XKR6: variants seen among roughly 807,000 people sequenced by gnomAD.
XKR6 encodes the protein XK related 6, also known as XK-related protein 6.
In XKR6, 22 loss-of-function variants were observed where a neutral mutation model predicts 56.7. The observed-to-expected ratio is 0.39, with a 90% CI of 0.28 to 0.55. The LOEUF (loss-of-function observed/expected upper bound fraction) is 0.55. XKR6 is among the 20% of genes least tolerant of loss of function. The pLI is 0.66. For missense variants in XKR6, 852 were observed against 889.0 expected, an observed-to-expected ratio of 0.96 and a Z score of 0.53; for synonymous variants, 524 against 387.8, an observed-to-expected ratio of 1.35 and a Z score of -4.13.
chr8:11,134,441 G>C (rs1367895580), intron 1 of XKR6, among the ~76,000 whole-genome samples: 2 of 152,126 alleles, frequency 1.3e-5, no homozygotes, highest in Non-Finnish European at 2.9e-5. Flanking sequence ...ACTTGGCATT[G>C]ACTACTCCAA....
intron 1 of XKR6, among the ~76,000 whole-genome samples, chr8:11,079,870 G>C (rs981783974): frequency 2.0e-5 from 3 of 152,116 alleles, no homozygotes; most frequent in Non-Finnish European, 4.4e-5. Context: ...AGAAGGCTGA[G>C]GCAGGAGGAT....
chr8:11,100,306 C>A (rs530428141), intron 1 of XKR6, among the ~76,000 whole-genome samples: 1 of 152,164 alleles, frequency 6.6e-6, no homozygotes, highest in Non-Finnish European at 1.5e-5. Flanking sequence ...CTACCCACTT[C>A]GACCTCCCAA....
At chr8:11,041,206 G>T (rs530675120) in intron 1 of XKR6, among the ~76,000 whole-genome samples, 30 of 152,250 alleles carry the variant, frequency 2.0e-4, no homozygotes, top group African/African-American at 7.2e-4. Flanking sequence ...TAAAAACTTG[G>T]ATGATGCTTG....
At chr8:11,138,041 T>A (rs1800496517) in intron 1 of XKR6, 1 of 235,814 alleles carries the variant, frequency 4.2e-6, no homozygotes, top group South Asian at 5.3e-5. Context: ...GGATCCTCCA[T>A]CGCTGTCTTC....
At chr8:11,198,445 A>G (rs1192444799) in intron 1 of XKR6, among the ~76,000 whole-genome samples, 2 of 152,080 alleles carry the variant, frequency 1.3e-5, no homozygotes, top group Non-Finnish European at 2.9e-5. Flanking sequence ...ATCTTGAAAA[A>G]AGATGTAAAA....
chr8:11,163,340 G>C (rs1305358348), intron 1 of XKR6, among the ~76,000 whole-genome samples: 3 of 152,150 alleles, frequency 2.0e-5, no homozygotes, highest in African/African-American at 7.2e-5. Context: ...TTTGCATTGA[G>C]TTCTAACAAA....
At chr8:11,130,175 G>A (rs750986262) in intron 1 of XKR6, among the ~76,000 whole-genome samples, 1 of 152,036 alleles carries the variant, frequency 6.6e-6, no homozygotes, top group Non-Finnish European at 1.5e-5. Flanking sequence ...TTTTGTGGCT[G>A]GTTGTGTGTA....
chr8:11,171,406 G>C (rs1234761859), intron 1 of XKR6, among the ~76,000 whole-genome samples: 4 of 152,216 alleles, frequency 2.6e-5, no homozygotes, highest in African/African-American at 9.6e-5. Context: ...ATAGAGTTTG[G>C]ATATTTTTCC....
chr8:11,137,350 A>G (rs1800456001), intron 1 of XKR6: 1 of 315,194 alleles, frequency 3.2e-6, no homozygotes, highest in African/African-American at 2.2e-5. Context: ...AACAATTATA[A>G]AAAATACAAA....
intron 1 of XKR6, among the ~76,000 whole-genome samples, chr8:11,024,825 G>T (rs570550780): frequency 9.5e-4 from 145 of 152,322 alleles, no homozygotes; most frequent in Non-Finnish European, 1.8e-3. Flanking sequence ...CTGGGTGTTG[G>T]GGCCCTGGGA....
chr8:11,042,568 G>C (rs1215198308), intron 1 of XKR6, among the ~76,000 whole-genome samples: 1 of 152,178 alleles, frequency 6.6e-6, no homozygotes. Flanking sequence ...GGAACTGTGA[G>C]TCCATTAAAC....
chr8:10,902,131 C>T (rs989942394), intron 2 of XKR6, among the ~76,000 whole-genome samples: 3 of 152,164 alleles, frequency 2.0e-5, no homozygotes, highest in African/African-American at 7.2e-5. Context: ...TCTAGAATTT[C>T]GCCCAAGGGT....
chr8:10,906,888 C>T (rs1374489801), intron 2 of XKR6, among the ~76,000 whole-genome samples: 1 of 152,110 alleles, frequency 6.6e-6, no homozygotes, highest in African/African-American at 2.4e-5. Context: ...CACTAAAATA[C>T]AAAAACACAA....
intron 1 of XKR6, among the ~76,000 whole-genome samples, chr8:11,112,705 GC>G (rs1353603750): frequency 1.3e-5 from 2 of 152,170 alleles, no homozygotes; most frequent in African/African-American, 4.8e-5. Flanking sequence ...GGCGAAGCTG[GC>G]CTGGGGAAGC....
chr8:10,964,393 G>A (rs1015967194), intron 1 of XKR6, among the ~76,000 whole-genome samples: 18 of 152,278 alleles, frequency 1.2e-4, no homozygotes, highest in African/African-American at 2.9e-4. Flanking sequence ...CTGGAGCTTA[G>A]ACCTGGAGGC....
chr8:10,955,120 T>C (rs540508256), intron 1 of XKR6, among the ~76,000 whole-genome samples: 2 of 152,204 alleles, frequency 1.3e-5, no homozygotes, highest in South Asian at 4.2e-4. Context: ...CCGTCAGCCT[T>C]GGCCTCCCAA....
At chr8:11,190,904 A>G (rs1272327109) in intron 1 of XKR6, among the ~76,000 whole-genome samples, 1 of 152,148 alleles carries the variant, frequency 6.6e-6, no homozygotes, top group African/African-American at 2.4e-5. Context: ...ATATATATAA[A>G]CAGAATATTC....
chr8:10,948,603 G>A (rs1270779932), intron 1 of XKR6, among the ~76,000 whole-genome samples: 1 of 152,120 alleles, frequency 6.6e-6, no homozygotes, highest in African/African-American at 2.4e-5. Context: ...TACAGGACAT[G>A]GTCTATCCTT....
chr8:11,156,280 G>A, intron 1 of XKR6, among the ~76,000 whole-genome samples: 1 of 152,178 alleles, frequency 6.6e-6, no homozygotes, highest in East Asian at 1.9e-4. Flanking sequence ...AACTTTTGTT[G>A]ATTTAACTCT....
Sources: gnomAD v4.1 joint callset for allele counts (sites outside exome capture counted in the v4.1 genomes callset) on GRCh38, gnomAD v4.1.1 for gene constraint, MANE v1.5 for transcripts, NCBI Gene and HGNC (gene_info 2026-07-23, HGNC 2026-07-21) for gene names.